Variants in PIBF1 observed in about 807,000 individuals in gnomAD.
PIBF1 encodes progesterone-induced-blocking factor 1.
Under a neutral mutation model 112.5 loss-of-function variants are expected in PIBF1, and 90 were observed. The observed-to-expected ratio is 0.80, with a 90% CI of 0.67 to 0.95. The LOEUF (loss-of-function observed/expected upper bound fraction) is 0.95. Ranked by LOEUF, PIBF1 falls within the 40% of genes least tolerant of loss-of-function variation. The pLI, the probability that PIBF1 is intolerant of heterozygous loss-of-function variation, is 0.00. For missense variants in PIBF1, 915 were observed against 852.3 expected, an observed-to-expected ratio of 1.07 and a Z score of -0.92; for synonymous variants, 301 against 288.6, an observed-to-expected ratio of 1.04 and a Z score of -0.44.
chr13:72,843,506 G>T (rs926274178), intron 9 of PIBF1, among the ~76,000 whole-genome samples: 1 of 152,182 alleles, frequency 6.6e-6, no homozygotes, highest in Non-Finnish European at 1.5e-5. Flanking sequence ...CTGCCTCCCG[G>T]GTTTAAGTGA....
At chr13:72,969,547 G>A (rs1011299028) in intron 15 of PIBF1, 1 of 152,136 alleles carries the variant, frequency 6.6e-6, no homozygotes, top group Non-Finnish European at 1.5e-5. Flanking sequence ...GTTGCTATAG[G>A]TGTACCCTGG....
At chr13:72,908,503 C>T in intron 11 of PIBF1, 28 bp from the exon 12 acceptor site, 4 of 1,537,282 alleles carry the variant, frequency 2.6e-6, no homozygotes, top group Non-Finnish European at 3.5e-6. Context: ...TTAATTCTGC[C>T]TTTGTAATTC....
chr13:72,860,313 GT>G (rs2038636165), intron 10 of PIBF1, among the ~76,000 whole-genome samples: 2 of 12,466 alleles, frequency 1.6e-4, no homozygotes, highest in African/African-American at 1.1e-3. Context: ...TTAGGGGTGT[GT>G]GTGTGTGTGT....
intron 14 of PIBF1, among the ~76,000 whole-genome samples, chr13:72,934,750 C>T (rs2041813558): frequency 6.6e-6 from 1 of 152,074 alleles, no homozygotes; most frequent in South Asian, 2.1e-4. Flanking sequence ...AATTGATATA[C>T]AGTAAATTGC....
intron 5 of PIBF1, among the ~76,000 whole-genome samples, chr13:72,815,084 A>G (rs538094604): frequency 1.3e-5 from 2 of 152,354 alleles, no homozygotes; most frequent in East Asian, 1.9e-4. Context: ...ACTTACTTAT[A>G]CTATACCCAC....
rs2043174402 is a variant in PIBF1 at position 72,982,222 on chromosome 13, G to A, written c.2049+8547G>A. On this transcript the variant is annotated intron_variant, in intron 16 of 17. Coordinates refer to ENST00000326291, the MANE Select transcript of PIBF1 (RefSeq NM_006346.4). ...GAAGGCCAAGGCAGGCAGATCGCTT[G>A]AGCTCAAGAGTTCAAGATCAGCCTG... Among the ~76,000 whole-genome samples the A allele has an allele frequency of 3.3e-5, 5 of 152,144 alleles. No individual in the cohort carries two copies. The South Asian group carries it at 1.0e-3, about 32-fold the overall frequency.
intron 14 of PIBF1, among the ~76,000 whole-genome samples, chr13:72,938,380 C>T (rs2041927393): frequency 6.6e-6 from 1 of 152,026 alleles, no homozygotes; most frequent in South Asian, 2.1e-4. Context: ...CCTCAGTCCC[C>T]CACAAGCAAT....
At chr13:72,910,934 G>T (rs2040872586) in intron 12 of PIBF1, among the ~76,000 whole-genome samples, 2 of 152,186 alleles carry the variant, frequency 1.3e-5, no homozygotes, top group Admixed American at 1.3e-4. Flanking sequence ...TATCAATTCA[G>T]TGTTCTTCTA....
At chr13:72,955,770 T>C (rs2042428540) in intron 14 of PIBF1, among the ~76,000 whole-genome samples, 1 of 152,202 alleles carries the variant, frequency 6.6e-6, no homozygotes, top group African/African-American at 2.4e-5. Flanking sequence ...GCTCTCCTAG[T>C]TCTTTCATTC....
At chr13:72,954,710 C>G (rs763647379) in intron 14 of PIBF1, among the ~76,000 whole-genome samples, 11 of 152,218 alleles carry the variant, frequency 7.2e-5, no homozygotes, top group Non-Finnish European at 1.5e-4. Context: ...TCTGGAGATT[C>G]AGAGTTTTCC....
chr13:72,818,055 T>C (rs1005039370), intron 5 of PIBF1, among the ~76,000 whole-genome samples: 14 of 136,726 alleles, frequency 1.0e-4, no homozygotes, highest in Admixed American at 8.4e-4. Context: ...TTAAAGGAAA[T>C]TTATAAATAT....
rs769219980 is a variant in PIBF1, at chr13:72,903,267, TC to T, written c.1489-5257del. Among the ~76,000 whole-genome samples the T allele has an allele frequency of 1.4e-4, 21 of 151,888 alleles. 1 individual carries two copies. In the East Asian group the frequency reaches 1.5e-3, roughly 11 times the overall value. On this transcript the variant is annotated intron_variant, in intron 11 of 17. Coordinates refer to ENST00000326291, the MANE Select transcript of PIBF1 (RefSeq NM_006346.4). ...ATGGGTGATTTTTATATCTTCATTC[TC>T]CCCCCCTAGACTAAGACCTTTTTAA... is the stretch of plus-strand genomic sequence containing the variant.
At chr13:72,806,535 CCT>C (rs377046882) in intron 5 of PIBF1, among the ~76,000 whole-genome samples, 73 of 152,210 alleles carry the variant, frequency 4.8e-4, no homozygotes, top group African/African-American at 1.7e-3. Context: ...TCCCCCACCC[CCT>C]GATAGGCCCC....
intron 11 of PIBF1, among the ~76,000 whole-genome samples, chr13:72,906,362 A>G (rs2040704134): frequency 6.6e-6 from 1 of 152,128 alleles, no homozygotes; most frequent in South Asian, 2.1e-4. Flanking sequence ...TATTCAAAGG[A>G]AGGAAAATTT....
chr13:72,880,287 T>C lies in PIBF1; in HGVS notation c.1323-13497T>C, dbSNP rs117014706. Among the ~76,000 whole-genome samples, 1,156 of 152,224 alleles carry C rather than the reference T, an allele frequency of 7.6e-3. 14 individuals are homozygous for C. Among genetic ancestry groups the C allele is most frequent in the Middle Eastern group, 0.014 (4 of 294 alleles). ...CTTCCAAAATTCCAATATTTTAAAG[T>C]ATTAGAACATCTCATGGTTTATAGA... On this transcript the variant is annotated intron_variant, in intron 10 of 17. Coordinates refer to ENST00000326291, the MANE Select transcript of PIBF1 (RefSeq NM_006346.4).
rs145516470 is a variant in PIBF1, at chr13:72,912,152, C to G, written c.1639+3471C>G. ...TTCACCATAGAGCCTTCACACAGAA[C>G]CAGCCCTACAAAGCATTGACTTCAG... On this transcript the variant is annotated intron_variant, in intron 12 of 17. Transcript: ENST00000326291. 4.5e-3 allele frequency among the ~76,000 whole-genome samples: 685 copies of G among 152,246 alleles called. 7 individuals carry two copies. The highest frequency in any genetic ancestry group is 0.015 in the African/African-American group (639 of 41,546).
chr13:72,807,465 C>T (rs975438019), intron 5 of PIBF1, among the ~76,000 whole-genome samples: 1 of 152,110 alleles, frequency 6.6e-6, no homozygotes, highest in Non-Finnish European at 1.5e-5. Flanking sequence ...GTCCCAGCTA[C>T]TCAGGAGGCT....
At chr13:72,966,247 A>G (rs1171078071) in intron 15 of PIBF1, among the ~76,000 whole-genome samples, 1 of 152,184 alleles carries the variant, frequency 6.6e-6, no homozygotes, top group East Asian at 1.9e-4. Context: ...ATTGGTAACT[A>G]ATTCCAAAGT....
chr13:72,785,319 A>G (rs1249400132), intron 2 of PIBF1, among the ~76,000 whole-genome samples: 1 of 152,206 alleles, frequency 6.6e-6, no homozygotes, highest in Non-Finnish European at 1.5e-5. Context: ...TGAATAGACT[A>G]TGAGGTCCAT....
Sources: allele counts gnomAD v4.1 joint callset (sites outside exome capture counted in the v4.1 genomes callset), GRCh38; gene constraint gnomAD v4.1.1; transcripts MANE v1.5; gene names NCBI Gene and HGNC (gene_info 2026-07-23, HGNC 2026-07-21).